Variants in UVRAG observed in about 807,000 individuals in gnomAD.
UVRAG encodes the protein UV radiation resistance-associated gene protein.
UVRAG carries 19 observed loss-of-function variants against 78.0 expected under a neutral mutation model. The observed-to-expected ratio is 0.24, with a 90% CI of 0.17 to 0.36. The LOEUF is 0.36. UVRAG is among the 10% of genes least tolerant of loss of function. The probability of loss-of-function intolerance (pLI) is 1.00; values close to 1 mark genes in which losing one functional copy is unlikely to be tolerated. For synonymous variants in UVRAG, 323 were observed against 324.6 expected (o/e 1.00, Z 0.05); for missense variants, 740 against 853.8 (o/e 0.87, Z 1.66).
intron 5 of UVRAG, among the ~76,000 whole-genome samples, chr11:75,895,023 G>A (rs917927933): frequency 7.9e-5 from 12 of 152,046 alleles, no homozygotes; most frequent in South Asian, 2.1e-4. Flanking sequence ...GAAGTATTTC[G>A]TTTAAAACTT....
At chr11:76,028,261 AC>A (rs1344568755) in intron 12 of UVRAG, among the ~76,000 whole-genome samples, 1 of 152,088 alleles carries the variant, frequency 6.6e-6, no homozygotes, top group Non-Finnish European at 1.5e-5. Context: ...TGACTGCTCC[AC>A]TGACCAGCTC....
chr11:75,933,884 C>A (rs1231568765), intron 6 of UVRAG, among the ~76,000 whole-genome samples: 4 of 152,058 alleles, frequency 2.6e-5, no homozygotes, highest in South Asian at 2.1e-4. Context: ...AAAAGGGAAC[C>A]CTTGTACACT....
At chr11:76,130,798 A>G (rs562884383) in intron 14 of UVRAG, among the ~76,000 whole-genome samples, 1 of 152,224 alleles carries the variant, frequency 6.6e-6, no homozygotes, top group African/African-American at 2.4e-5. Context: ...CTCCCTTCCA[A>G]GTCTAGTTTT....
chr11:75,983,733 C>T (rs924623755), intron 8 of UVRAG: 7 of 484,756 alleles, frequency 1.4e-5, no homozygotes, highest in Non-Finnish European at 2.4e-5. Flanking sequence ...TACTACTACA[C>T]ACCTAGGCTA....
At chr11:75,927,032 G>T in intron 6 of UVRAG, among the ~76,000 whole-genome samples, 1 of 151,946 alleles carries the variant, frequency 6.6e-6, no homozygotes, top group Non-Finnish European at 1.5e-5. Context: ...ATCCAGAAAG[G>T]GGAATTGATT....
chr11:75,884,906 G>A (rs1018040548), intron 4 of UVRAG, among the ~76,000 whole-genome samples: 1 of 151,934 alleles, frequency 6.6e-6, no homozygotes, highest in African/African-American at 2.4e-5. Flanking sequence ...AGAACAGTTT[G>A]TCCATTTCTA....
intron 12 of UVRAG, among the ~76,000 whole-genome samples, chr11:76,051,634 T>C (rs1232839025): frequency 6.6e-6 from 1 of 152,236 alleles, no homozygotes; most frequent in African/African-American, 2.4e-5. Flanking sequence ...TGAAATTCCA[T>C]TCTTTTTTTA....
At position 76,141,636 on chromosome 11, in the gene UVRAG, T is replaced by C; in HGVS notation, c.*223T>C. The C allele has an allele frequency of 1.8e-6, 1 of 564,662 alleles. No individual in the cohort carries two copies. The allele number at this position is 564,662 out of a possible 1,614,324, so 35.0% of individuals were successfully genotyped here. On this transcript the variant is annotated 3_prime_UTR_variant, in exon 15 of 15. Transcript: ENST00000356136. ...ATTTGCTTTTCGGGCCTGATGATTT[T>C]AAAGCAAAAATCACCCTCTAGTTGA...
chr11:76,118,315 G>A (rs1377293969), intron 14 of UVRAG, among the ~76,000 whole-genome samples: 2 of 151,914 alleles, frequency 1.3e-5, no homozygotes, highest in Non-Finnish European at 2.9e-5. Context: ...CGATTCTCTT[G>A]GATTTTTTGT....
chr11:75,830,394 C>T (rs893809630), intron 1 of UVRAG, among the ~76,000 whole-genome samples: 8 of 151,954 alleles, frequency 5.3e-5, no homozygotes, highest in Admixed American at 1.3e-4. Flanking sequence ...CTCAGCCTGC[C>T]GAGTAGCTGG....
chr11:75,949,714 T>TATACACACACAC (rs59607906), intron 6 of UVRAG, among the ~76,000 whole-genome samples: 10 of 136,874 alleles, frequency 7.3e-5, no homozygotes, highest in African/African-American at 2.6e-4. Flanking sequence ...TATATATATA[T>TATACACACACAC]ACACACACAC....
At chr11:76,054,968 T>G (rs747092036) in intron 12 of UVRAG, among the ~76,000 whole-genome samples, 4 of 152,234 alleles carry the variant, frequency 2.6e-5, no homozygotes, top group Non-Finnish European at 5.9e-5. Context: ...GAATCAGTTC[T>G]TTTACTCTAA....
At chr11:76,109,406 C>T (rs1351242065) in intron 13 of UVRAG, among the ~76,000 whole-genome samples, 6 of 152,214 alleles carry the variant, frequency 3.9e-5, no homozygotes, top group Admixed American at 3.9e-4. Context: ...ACTCTTAGCC[C>T]TCAGCAGTTA....
At chr11:76,066,135 C>T (rs1951180574) in intron 13 of UVRAG, among the ~76,000 whole-genome samples, 1 of 152,162 alleles carries the variant, frequency 6.6e-6, no homozygotes, top group South Asian at 2.1e-4. Flanking sequence ...TCTAGGGACT[C>T]AATTTGCATT....
intron 6 of UVRAG, among the ~76,000 whole-genome samples, chr11:75,944,205 CAG>C (rs768776885): frequency 1.3e-5 from 2 of 152,274 alleles, no homozygotes; most frequent in East Asian, 1.9e-4. Context: ...ATACAGCTGT[CAG>C]AGTCTTAGCT....
intron 12 of UVRAG, among the ~76,000 whole-genome samples, chr11:76,029,342 GTCT>G (rs35798560): frequency 0.067 from 10,189 of 152,124 alleles, 474 homozygotes; most frequent in East Asian, 0.26. Context: ...TGACTTTTAA[GTCT>G]TCTTATTTAA....
intron 1 of UVRAG, among the ~76,000 whole-genome samples, chr11:75,834,319 A>G (rs1945730323): frequency 6.6e-6 from 1 of 152,024 alleles, no homozygotes; most frequent in Non-Finnish European, 1.5e-5. Context: ...TTAGATTCAG[A>G]TTACACATTT....
intron 13 of UVRAG, among the ~76,000 whole-genome samples, chr11:76,104,568 T>TA (rs1035526215): frequency 6.6e-6 from 1 of 152,212 alleles, no homozygotes; most frequent in Admixed American, 6.5e-5. Flanking sequence ...GCACCATCAT[T>TA]ATTCCATCAT....
intron 14 of UVRAG, among the ~76,000 whole-genome samples, chr11:76,140,266 C>A (rs1952691935): frequency 6.6e-6 from 1 of 151,742 alleles, no homozygotes; most frequent in South Asian, 2.1e-4. Flanking sequence ...CATGTAAATT[C>A]TCTGCCAGAT....
Sources: gnomAD v4.1 joint callset for allele counts (sites outside exome capture counted in the v4.1 genomes callset) on GRCh38, gnomAD v4.1.1 for gene constraint, MANE v1.5 for transcripts, NCBI Gene and HGNC (gene_info 2026-07-23, HGNC 2026-07-21) for gene names.